The following HIVEP1 variants were observed in gnomAD, a reference collection of about 807,000 sequenced individuals.
HIVEP1 encodes the protein HIVEP zinc finger 1.
A neutral mutation model predicts 180.0 loss-of-function variants in HIVEP1; 36 were observed. The ratio of observed to expected loss-of-function variants is 0.20; its 90% confidence interval spans 0.15 to 0.26. HIVEP1 has a LOEUF of 0.26. Among genes scored for constraint, HIVEP1 ranks in the 10% least tolerant of loss-of-function variants. HIVEP1 has a pLI of 1.00. For missense variants in HIVEP1, 3,143 were observed against 3,268.7 expected, an observed-to-expected ratio of 0.96 and a Z score of 0.94; for synonymous variants, 1,239 against 1,239.0, an observed-to-expected ratio of 1.00 and a Z score of 0.00.
intron 2 of HIVEP1, among the ~76,000 whole-genome samples, chr6:12,071,702 GT>G (rs1284385544): frequency 7.2e-5 from 11 of 152,094 alleles, no homozygotes; most frequent in Non-Finnish European, 1.3e-4. Flanking sequence ...TCAGTTTTGT[GT>G]TATTAAAAAA....
chr6:12,192,979 T>C, the HIVEP1 span, among the ~76,000 whole-genome samples: 7 of 152,270 alleles, frequency 4.6e-5, no homozygotes, highest in Admixed American at 2.0e-4. Context: ...AGAAGCTGTG[T>C]GACTAGAAGC....
the HIVEP1 span, among the ~76,000 whole-genome samples, chr6:12,210,565 T>C: frequency 6.6e-6 from 1 of 152,332 alleles, no homozygotes; most frequent in East Asian, 1.9e-4. Context: ...AAGCTATGAT[T>C]TGAAAGTATA....
intron 3 of HIVEP1, among the ~76,000 whole-genome samples, chr6:12,109,454 T>C (rs1229371582): frequency 1.3e-5 from 2 of 152,348 alleles, no homozygotes; most frequent in African/African-American, 4.8e-5. Flanking sequence ...ATCAATTGTG[T>C]TTATGTAGTA....
At chr6:12,033,430 G>A (rs186625106) in intron 2 of HIVEP1, among the ~76,000 whole-genome samples, 2 of 151,510 alleles carry the variant, frequency 1.3e-5, no homozygotes, top group African/African-American at 4.8e-5. Flanking sequence ...TGATTAGAAG[G>A]GGCAAAGCAA....
intron 2 of HIVEP1, among the ~76,000 whole-genome samples, chr6:12,055,780 T>TC (rs1173265171): frequency 6.6e-6 from 1 of 152,180 alleles, no homozygotes; most frequent in African/African-American, 2.4e-5. Context: ...AAAGAGCCTT[T>TC]CCCTGCTCAC....
chr6:12,018,378 T>C (rs1581501116), intron 2 of HIVEP1, among the ~76,000 whole-genome samples: 1 of 152,044 alleles, frequency 6.6e-6, no homozygotes, highest in Non-Finnish European at 1.5e-5. Context: ...GCGGCCAGAG[T>C]GGGCACCAAG....
chr6:12,057,516 G>A (rs998414253), intron 2 of HIVEP1, among the ~76,000 whole-genome samples: 2 of 152,074 alleles, frequency 1.3e-5, no homozygotes, highest in East Asian at 1.9e-4. Context: ...TGCAGATTCC[G>A]CAATCTCAGA....
chr6:12,109,388 A>G (rs1774737128), intron 3 of HIVEP1, among the ~76,000 whole-genome samples: 1 of 152,254 alleles, frequency 6.6e-6, no homozygotes, highest in South Asian at 2.1e-4. Context: ...CATTTCACCC[A>G]GAGTAAAACT....
chr6:12,041,759 G>C (rs1469923312), intron 2 of HIVEP1, among the ~76,000 whole-genome samples: 2 of 151,952 alleles, frequency 1.3e-5, no homozygotes, highest in Non-Finnish European at 2.9e-5. Flanking sequence ...CGCCTCCCAG[G>C]TTCAAGCAAT....
intron 6 of HIVEP1, among the ~76,000 whole-genome samples, chr6:12,131,351 A>G (rs1210890163): frequency 6.6e-6 from 1 of 151,970 alleles, no homozygotes; most frequent in Non-Finnish European, 1.5e-5. Flanking sequence ...AATAATAACT[A>G]CAGTAAACTT....
chr6:12,026,193 A>G (rs1768575683), intron 2 of HIVEP1, among the ~76,000 whole-genome samples: 1 of 152,238 alleles, frequency 6.6e-6, no homozygotes, highest in South Asian at 2.1e-4. Context: ...AACACAGGAA[A>G]ATAAAAGATC....
chr6:12,060,379 C>T (rs777408804), intron 2 of HIVEP1, among the ~76,000 whole-genome samples: 2 of 152,108 alleles, frequency 1.3e-5, no homozygotes, highest in Non-Finnish European at 2.9e-5. Context: ...AACCTGATAA[C>T]AATTGAATAA....
chr6:12,157,217 C>T lies in HIVEP1; in HGVS notation c.6488-4222C>T, dbSNP rs557425088. Among the ~76,000 whole-genome samples, 26 of 152,190 alleles carry T rather than the reference C, an allele frequency of 1.7e-4. No individual in the cohort carries two copies. In the South Asian group the frequency reaches 1.9e-3, roughly 11 times the overall value. ...TGTCTTTATATCAATATTTAAAATG[C>T]GTTTCTTATATACAGTATATACATG... On this transcript the variant is annotated intron_variant, in intron 7 of 8. Coordinates refer to ENST00000379388, the MANE Select transcript of HIVEP1 (RefSeq NM_002114.4).
chr6:12,154,560 G>A (rs879288131), intron 7 of HIVEP1, among the ~76,000 whole-genome samples: 4 of 152,048 alleles, frequency 2.6e-5, no homozygotes, highest in Admixed American at 6.6e-5. Context: ...TGTATAGTAC[G>A]TGGTTTCTGA....
intron 2 of HIVEP1, among the ~76,000 whole-genome samples, chr6:12,027,631 G>C (rs866171475): frequency 1.1e-4 from 17 of 152,282 alleles, no homozygotes; most frequent in Middle Eastern, 3.4e-3. Context: ...TCTTGTGAAG[G>C]ACTGTTATTC....
intron 2 of HIVEP1, among the ~76,000 whole-genome samples, chr6:12,068,928 A>T (rs959234663): frequency 1.3e-5 from 2 of 152,232 alleles, no homozygotes; most frequent in African/African-American, 4.8e-5. Context: ...TATCCTTATT[A>T]TCAGCCTTAC....
At chr6:12,017,821 A>G (rs1393013257) in intron 2 of HIVEP1, among the ~76,000 whole-genome samples, 2 of 152,212 alleles carry the variant, frequency 1.3e-5, no homozygotes, top group African/African-American at 2.4e-5. Flanking sequence ...AGCTAGACAT[A>G]AAGTTTCTCC....
chr6:12,192,736 A>G, the HIVEP1 span, among the ~76,000 whole-genome samples: 1 of 152,156 alleles, frequency 6.6e-6, no homozygotes. Flanking sequence ...CCGTGGAACC[A>G]TGAGTAAATT....
chr6:12,078,936 G>A (rs1226350936), intron 2 of HIVEP1, among the ~76,000 whole-genome samples: 1 of 152,074 alleles, frequency 6.6e-6, no homozygotes, highest in Non-Finnish European at 1.5e-5. Context: ...GCCCGTGTGT[G>A]TGCGTGCGTG....
Sources: gnomAD v4.1 joint callset for allele counts (sites outside exome capture counted in the v4.1 genomes callset) on GRCh38, gnomAD v4.1.1 for gene constraint, MANE v1.5 for transcripts, NCBI Gene and HGNC (gene_info 2026-07-23, HGNC 2026-07-21) for gene names.